The following NFIC variants were observed in gnomAD, a reference collection of about 807,000 sequenced individuals.
NFIC encodes nuclear factor 1 C-type.
NFIC carries 12 observed loss-of-function variants against 54.4 expected under a neutral mutation model. That is an observed-to-expected ratio of 0.22 (90% CI 0.14 to 0.36). NFIC has a LOEUF of 0.36. NFIC is among the 10% of genes least tolerant of loss of function. The probability of loss-of-function intolerance (pLI) is 1.00; values close to 1 mark genes in which losing one functional copy is unlikely to be tolerated. For missense variants in NFIC, 575 were observed against 718.2 expected, an observed-to-expected ratio of 0.80 and a Z score of 2.28; for synonymous variants, 322 against 319.2, an observed-to-expected ratio of 1.01 and a Z score of -0.09.
chr19:3,374,232 C>T (rs570799118), intron 1 of NFIC, among the ~76,000 whole-genome samples: 3 of 152,250 alleles, frequency 2.0e-5, no homozygotes, highest in South Asian at 2.1e-4. Context: ...CAGTGCATGG[C>T]GTGGTCGTTC....
chr19:3,387,600 G>A (rs2081317792), intron 2 of NFIC, among the ~76,000 whole-genome samples: 1 of 152,154 alleles, frequency 6.6e-6, no homozygotes, highest in Non-Finnish European at 1.5e-5. Flanking sequence ...TGGATGGGGA[G>A]GGCTTCTCTG....
At chr19:3,426,702 C>T (rs1599666816) in intron 3 of NFIC, among the ~76,000 whole-genome samples, 1 of 152,144 alleles carries the variant, frequency 6.6e-6, no homozygotes, top group South Asian at 2.1e-4. Flanking sequence ...CCTCTCTCCC[C>T]GTCGTCCACT....
rs148728422 is a variant in NFIC at position 3,459,807 on chromosome 19, G to A, written c.1510-2945G>A. ...ACTTGAACTTGGCTGGAGGTGGGGC[G>A]CTGGGAACCACTGTGGCGCCAGTTC... On this transcript the variant is annotated intron_variant, in intron 10 of 10. Coordinates refer to ENST00000443272, the MANE Select transcript of NFIC (RefSeq NM_001245002.2). The surrounding 1 kb of genome is among the most constrained non-coding windows in gnomAD (Gnocchi z 4.2). 3.9e-5 allele frequency among the ~76,000 whole-genome samples: 6 copies of A among 152,354 alleles called. No individual in the cohort carries two copies. Among genetic ancestry groups the A allele is most frequent in the Middle Eastern group, 3.4e-3 (1 of 294 alleles).
At position 3,376,123 on chromosome 19, in the gene NFIC, G is replaced by C. The variant is rs1175072062; in HGVS notation, c.31-5589G>C. Among the ~76,000 whole-genome samples, 7 of 152,090 alleles carry C rather than the reference G, an allele frequency of 4.6e-5. No individual in the cohort carries two copies. In the East Asian group the frequency reaches 1.3e-3, roughly 29 times the overall value. On this transcript the variant is annotated intron_variant, in intron 1 of 10. Coordinates refer to ENST00000443272, the MANE Select transcript of NFIC (RefSeq NM_001245002.2). ...GCTGTTCCCTGCTTCCTGGAAGATT[G>C]TCTGCAATCAAAATGATCATCGCAG...
At chr19:3,436,309 ATTTTTTTTTT>A (rs71166903) in intron 6 of NFIC, among the ~76,000 whole-genome samples, 3 of 85,486 alleles carry the variant, frequency 3.5e-5, no homozygotes, top group African/African-American at 8.7e-5. Context: ...TGCGCCGTTA[ATTTTTTTTTT>A]TTTTTTTTTT....
At position 3,453,049 on chromosome 19, in the gene NFIC, G is replaced by A. The variant is rs1489779206; in HGVS notation, c.1269+383G>A. Among the ~76,000 whole-genome samples, 1 of 152,186 alleles carries A rather than the reference G, an allele frequency of 6.6e-6. No homozygotes were observed. ...CCAGAGTTCAAGACCAACCTGGGCAGCATAGCGTGACCCAGTTTCTACAAA... is the reference window on the plus strand; with the variant it reads ...CCAGAGTTCAAGACCAACCTGGGCAACATAGCGTGACCCAGTTTCTACAAA... On this transcript the variant is annotated intron_variant, in intron 8 of 10. Coordinates refer to ENST00000443272, the MANE Select transcript of NFIC (RefSeq NM_001245002.2). This position sits in a 1 kb window ranked among gnomAD's most constrained non-coding sequence, Gnocchi z 6.7.
At chr19:3,374,215 C>T (rs1011856853) in intron 1 of NFIC, among the ~76,000 whole-genome samples, 9 of 152,266 alleles carry the variant, frequency 5.9e-5, no homozygotes, top group African/African-American at 2.2e-4. Context: ...TGAGTGAGGG[C>T]ATCACCCAGT....
chr19:3,465,665 C>G lies in NFIC; in HGVS notation c.*2896C>G, dbSNP rs1171862721. The G allele has an allele frequency of 6.6e-6, 1 of 152,226 alleles. No homozygotes were observed. The highest frequency in any genetic ancestry group is 2.4e-5 in the African/African-American group (1 of 41,436). 9.4% of individuals were successfully genotyped at this position (152,226 alleles called of 1,614,324 possible). A position where few individuals can be genotyped will look rare whatever the true frequency, so the allele number is the denominator to read the frequency against. ...CAGAGGACAGACCTCCGGGGCCCATCTTGGCCCTGGGAAAGGGCTCTCCTC... is the reference window on the plus strand; with the variant it reads ...CAGAGGACAGACCTCCGGGGCCCATGTTGGCCCTGGGAAAGGGCTCTCCTC... On this transcript the variant is annotated 3_prime_UTR_variant, in exon 11 of 11. Coordinates refer to ENST00000443272, the MANE Select transcript of NFIC (RefSeq NM_001245002.2).
chr19:3,388,660 C>CA (rs1568413985), intron 2 of NFIC, among the ~76,000 whole-genome samples: 1 of 151,912 alleles, frequency 6.6e-6, no homozygotes, highest in Non-Finnish European at 1.5e-5. Flanking sequence ...ATGCCCCCCC[C>CA]CAACAAAATT....
At chr19:3,387,744 T>C (rs1425487470) in intron 2 of NFIC, among the ~76,000 whole-genome samples, 1 of 151,582 alleles carries the variant, frequency 6.6e-6, no homozygotes, top group Non-Finnish European at 1.5e-5. Flanking sequence ...GGCTGGGATG[T>C]TCAGGGGGTA....
chr19:3,361,612 CAAG>C (rs1040805539), upstream of NFIC, among the ~76,000 whole-genome samples: 8 of 151,626 alleles, frequency 5.3e-5, no homozygotes, highest in African/African-American at 1.9e-4. Flanking sequence ...TTTGGGATGT[CAAG>C]AAGGAGAGAA....
In NFIC at chr19:3,425,134, A is replaced by T; in HGVS notation, c.591A>T (p.Thr197=). 1 of 1,613,232 alleles carries T rather than the reference A, an allele frequency of 6.2e-7. No homozygotes were observed. The highest frequency in any genetic ancestry group is 8.5e-7 in the Non-Finnish European group (1 of 1,179,952). ...RDAEQSGSPR[T]GMGSDQEDSK... ...CAGAGCAAAGCGGCAGTCCCCGGAC[A>T]GGGATGGGCTCTGACCAGGAGGACA... The change falls in exon 3 of 11, where the codon ACA becomes ACT. Residue 197 remains threonine (T), a synonymous_variant. Coordinates refer to ENST00000443272, the MANE Select transcript of NFIC (RefSeq NM_001245002.2).
rs56852086 is a variant in NFIC at position 3,371,998 on chromosome 19, C to CCTCTCTCTCTCTCT, written c.30+5364_30+5377dup. On this transcript the variant is annotated intron_variant, in intron 1 of 10. Transcript: ENST00000443272. ...CTTTCTCTCTCTCTCCCTCTCTCTC[C>CCTCTCTCTCTCTCT]CTCTCTCTCTCTCTCTCTCTCTCTC... 4.8e-4 allele frequency among the ~76,000 whole-genome samples: 17 copies of CCTCTCTCTCTCTCT among 35,416 alleles called. 2 individuals carry two copies. The highest frequency in any genetic ancestry group is 1.9e-3 in the East Asian group (2 of 1,040). 23.2% of individuals were successfully genotyped at this position (35,416 alleles called of 152,430 possible).
intron 6 of NFIC, among the ~76,000 whole-genome samples, chr19:3,443,626 C>T (rs1317139973): frequency 1.3e-5 from 2 of 151,980 alleles, no homozygotes; most frequent in Admixed American, 6.6e-5. Context: ...CGCAGAGGAT[C>T]ATGGGACGCA....
intron 2 of NFIC, among the ~76,000 whole-genome samples, chr19:3,405,063 A>G (rs1055934421): frequency 3.3e-5 from 5 of 152,224 alleles, no homozygotes; most frequent in Non-Finnish European, 7.4e-5. Flanking sequence ...CAGGCCATGG[A>G]GCCGGCGGGG....
intron 1 of NFIC, among the ~76,000 whole-genome samples, chr19:3,374,836 C>T (rs537827660): frequency 5.3e-5 from 8 of 152,244 alleles, no homozygotes; most frequent in African/African-American, 1.7e-4. Context: ...CCAGGCCCTG[C>T]CTCTCACGTG....
At chr19:3,424,721 C>T (rs1329567664) in intron 2 of NFIC, among the ~76,000 whole-genome samples, 1 of 152,180 alleles carries the variant, frequency 6.6e-6, no homozygotes, top group Non-Finnish European at 1.5e-5. Context: ...AGAAGGCAAG[C>T]GACTTGCTCA....
chr19:3,398,238 A>C (rs2081496234), intron 2 of NFIC, among the ~76,000 whole-genome samples: 2 of 152,176 alleles, frequency 1.3e-5, no homozygotes, highest in Non-Finnish European at 2.9e-5. Context: ...AGAGCTACGC[A>C]AGGATTGAGT....
At chr19:3,434,063 C>T (rs2082161236) in intron 4 of NFIC, among the ~76,000 whole-genome samples, 1 of 152,236 alleles carries the variant, frequency 6.6e-6, no homozygotes, top group Admixed American at 6.5e-5. Flanking sequence ...GCTTTGGCTA[C>T]ACCTCTGCCT....
Sources: gnomAD v4.1 joint callset for allele counts (sites outside exome capture counted in the v4.1 genomes callset) on GRCh38, gnomAD v4.1.1 for gene constraint, Gnocchi (gnomAD v3.1) non-coding constraint, MANE v1.5 for transcripts, NCBI Gene and HGNC (gene_info 2026-07-23, HGNC 2026-07-21) for gene names.